PTPRG: variants seen among roughly 807,000 people sequenced by gnomAD.
PTPRG encodes the protein protein tyrosine phosphatase receptor type G.
In PTPRG, 102 loss-of-function variants were observed where a neutral mutation model predicts 165.3. That is an observed-to-expected ratio of 0.62 (90% CI 0.53 to 0.73). PTPRG has a LOEUF of 0.73. Ranked by LOEUF, PTPRG falls within the 30% of genes least tolerant of loss-of-function variation. The pLI is 0.00. For missense variants in PTPRG, 1,866 were observed against 1,861.4 expected (o/e 1.00, Z -0.05); for synonymous variants, 675 against 669.5 (o/e 1.01, Z -0.13).
At chr3:61,625,893 T>TA (rs1701594004) in intron 1 of PTPRG, among the ~76,000 whole-genome samples, 1 of 152,208 alleles carries the variant, frequency 6.6e-6, no homozygotes, top group Non-Finnish European at 1.5e-5. Context: ...CCAGTGTTCC[T>TA]ACAGCTGCTT....
At chr3:61,841,025 A>C (rs1575710929) in intron 2 of PTPRG, among the ~76,000 whole-genome samples, 1 of 152,004 alleles carries the variant, frequency 6.6e-6, no homozygotes, top group Non-Finnish European at 1.5e-5. Context: ...CAAGTGATCC[A>C]CTGGCCTTGG....
At chr3:61,907,773 G>T (rs772036893) in intron 2 of PTPRG, among the ~76,000 whole-genome samples, 2 of 152,056 alleles carry the variant, frequency 1.3e-5, no homozygotes, top group Non-Finnish European at 2.9e-5. Context: ...CTAAGGAGCC[G>T]ATTTCCTTTG....
At chr3:62,185,916 CT>C (rs1168965054) in intron 8 of PTPRG, among the ~76,000 whole-genome samples, 3 of 152,210 alleles carry the variant, frequency 2.0e-5, no homozygotes, top group Non-Finnish European at 4.4e-5. Context: ...AAAGCCCACA[CT>C]TTCTGTTATA....
chr3:61,967,854 C>T (rs1458770947), intron 2 of PTPRG, among the ~76,000 whole-genome samples: 2 of 152,060 alleles, frequency 1.3e-5, no homozygotes, highest in South Asian at 2.1e-4. Flanking sequence ...CTTGTGTGTG[C>T]GTTTGTGAAT....
At chr3:61,876,132 G>A (rs774418967) in intron 2 of PTPRG, among the ~76,000 whole-genome samples, 8 of 152,200 alleles carry the variant, frequency 5.3e-5, no homozygotes, top group Non-Finnish European at 1.2e-4. Context: ...CATGATTTCT[G>A]TAGTATTCTT....
At chr3:61,713,165 T>G (rs1033117109) in intron 1 of PTPRG, among the ~76,000 whole-genome samples, 1 of 106,140 alleles carries the variant, frequency 9.4e-6, no homozygotes, top group Non-Finnish European at 2.2e-5. Flanking sequence ...ATCAAATATG[T>G]TTTTTTTTTT....
rs1700712834 is a variant in PTPRG at position 62,224,252 on chromosome 3, T to C, written c.2288+5269T>C. On this transcript the variant is annotated intron_variant, in intron 13 of 29. Transcript: ENST00000474889. The surrounding 1 kb of genome is among the most constrained non-coding windows in gnomAD (Gnocchi z 4.9). ...GTTGGCTGTATTAGAGTAAGCTTCA[T>C]TGATGTTGCAGCAGACACACCCTAG... is the stretch of plus-strand genomic sequence containing the variant. Among the ~76,000 whole-genome samples the C allele has an allele frequency of 1.3e-5, 2 of 152,146 alleles. No individual in the cohort carries two copies. Among genetic ancestry groups the C allele is most frequent in the Non-Finnish European group, 2.9e-5 (2 of 68,026 alleles).
chr3:61,671,988 T>G (rs1482514860), intron 1 of PTPRG, among the ~76,000 whole-genome samples: 1 of 113,910 alleles, frequency 8.8e-6, no homozygotes, highest in Non-Finnish European at 1.8e-5. Context: ...GCGGAGGGGC[T>G]CCTCACTTCT....
chr3:61,992,710 C>G (rs576110993), intron 3 of PTPRG, among the ~76,000 whole-genome samples: 1 of 152,136 alleles, frequency 6.6e-6, no homozygotes, highest in Admixed American at 6.5e-5. Context: ...TTAGTAGAGA[C>G]AGGATTTCAC....
At chr3:61,715,178 T>C (rs991207816) in intron 1 of PTPRG, among the ~76,000 whole-genome samples, 1 of 151,574 alleles carries the variant, frequency 6.6e-6, no homozygotes, top group Non-Finnish European at 1.5e-5. Context: ...GCTTTTTTTT[T>C]CTTTGTTTTT....
chr3:61,933,683 G>GC (rs34736876), intron 2 of PTPRG, among the ~76,000 whole-genome samples: 54,445 of 151,938 alleles, frequency 0.36, 11,329 homozygotes, highest in African/African-American at 0.56. Flanking sequence ...GGCCACTGAC[G>GC]CCCCTTCCAC....
At chr3:61,971,008 C>T (rs2040368822) in intron 2 of PTPRG, among the ~76,000 whole-genome samples, 1 of 152,052 alleles carries the variant, frequency 6.6e-6, no homozygotes, top group South Asian at 2.1e-4. Flanking sequence ...TTCATTGATG[C>T]CCCAGTGTGG....
chr3:61,943,469 C>G (rs2039682945), intron 2 of PTPRG, among the ~76,000 whole-genome samples: 1 of 152,060 alleles, frequency 6.6e-6, no homozygotes, highest in South Asian at 2.1e-4. Context: ...TCCCAGCTAC[C>G]TGGGAGGCTG....
At chr3:61,900,569 A>G (rs1425872133) in intron 2 of PTPRG, among the ~76,000 whole-genome samples, 1 of 152,124 alleles carries the variant, frequency 6.6e-6, no homozygotes, top group East Asian at 1.9e-4. Flanking sequence ...TCCTCTTCAA[A>G]TCTGCTGCAG....
intron 26 of PTPRG, among the ~76,000 whole-genome samples, chr3:62,280,367 A>C (rs1702389021): frequency 6.6e-6 from 1 of 152,012 alleles, no homozygotes; most frequent in South Asian, 2.1e-4. Context: ...TACAGAACTC[A>C]TACAACTCAG....
intron 1 of PTPRG, among the ~76,000 whole-genome samples, chr3:61,671,902 T>C (rs1247317945): frequency 1.1e-4 from 15 of 134,320 alleles, no homozygotes; most frequent in Non-Finnish European, 9.5e-5. Flanking sequence ...GGGGGGCTGA[T>C]CCCCCCACCT....
At chr3:61,703,578 G>A (rs1178133378) in intron 1 of PTPRG, among the ~76,000 whole-genome samples, 3 of 152,130 alleles carry the variant, frequency 2.0e-5, no homozygotes, top group Non-Finnish European at 2.9e-5. Flanking sequence ...CTGGCTGTAT[G>A]GCCTTGGGAA....
intron 4 of PTPRG, among the ~76,000 whole-genome samples, chr3:62,063,965 G>C (rs1484920462): frequency 6.6e-6 from 1 of 152,222 alleles, no homozygotes; most frequent in Non-Finnish European, 1.5e-5. Flanking sequence ...TCTGTTGCTA[G>C]GGGCTGATGG....
At chr3:62,015,346 G>A (rs574871905) in intron 4 of PTPRG, among the ~76,000 whole-genome samples, 2 of 152,098 alleles carry the variant, frequency 1.3e-5, no homozygotes, top group African/African-American at 2.4e-5. Flanking sequence ...TAGGAGGTGC[G>A]GTCAGCAGAT....
Sources: gnomAD v4.1 joint callset for allele counts (sites outside exome capture counted in the v4.1 genomes callset) on GRCh38, gnomAD v4.1.1 for gene constraint, Gnocchi (gnomAD v3.1) non-coding constraint, MANE v1.5 for transcripts, NCBI Gene and HGNC (gene_info 2026-07-23, HGNC 2026-07-21) for gene names.